The following AK7 variants were observed in gnomAD, a reference collection of about 807,000 sequenced individuals.
AK7 encodes ATP-AMP transphosphorylase 7.
Under a neutral mutation model 96.6 loss-of-function variants are expected in AK7, and 78 were observed. The observed-to-expected ratio is 0.81, with a 90% CI of 0.67 to 0.97. The LOEUF is 0.97. Among genes scored for constraint, AK7 ranks in the 50% least tolerant of loss-of-function variants. The pLI, the probability that AK7 is intolerant of heterozygous loss-of-function variation, is 0.00. For missense variants in AK7, 855 were observed against 887.9 expected (o/e 0.96, Z 0.47); for synonymous variants, 302 against 317.2 (o/e 0.95, Z 0.51).
chr14:96,478,904 A>C (rs1371785542), intron 15 of AK7, among the ~76,000 whole-genome samples: 1 of 149,068 alleles, frequency 6.7e-6, no homozygotes. Context: ...CAAATGACAA[A>C]TCCTTTTTTT....
intron 16 of AK7, among the ~76,000 whole-genome samples, chr14:96,485,685 A>C (rs527307527): frequency 5.3e-5 from 8 of 152,162 alleles, no homozygotes; most frequent in African/African-American, 1.9e-4. Flanking sequence ...GACCACACAA[A>C]AGTTTCATGT....
At chr14:96,410,473 A>G (rs72706821) in intron 4 of AK7, among the ~76,000 whole-genome samples, 1,647 of 152,058 alleles carry the variant, frequency 0.011, 14 homozygotes, top group Non-Finnish European at 0.018. Flanking sequence ...GTGCTCACTG[A>G]CTCTCTCTCT....
In AK7 at chr14:96,408,883, A is replaced by T; in HGVS notation, c.440A>T (p.Lys147Met). ...GAAGTCAGCCACTTTGAAAAGCGAAAGCTATTTATTTTACTGTCGACGGTG... is the reference window on the plus strand; with the variant it reads ...GAAGTCAGCCACTTTGAAAAGCGAATGCTATTTATTTTACTGTCGACGGTG... ...SEEVSHFEKR[K>M]LFILLSTVMT... The change falls in exon 4 of 18, where the codon AAG becomes ATG. Residue 147 changes from lysine to methionine, a missense_variant. Transcript: ENST00000267584. 7 of 1,614,206 alleles carry T rather than the reference A, an allele frequency of 4.3e-6. No individual in the cohort carries two copies. Among genetic ancestry groups the T allele is most frequent in the Non-Finnish European group, 5.9e-6 (7 of 1,180,042 alleles).
At chr14:96,476,101 T>C (rs943866334) in intron 14 of AK7, among the ~76,000 whole-genome samples, 2 of 152,202 alleles carry the variant, frequency 1.3e-5, no homozygotes, top group African/African-American at 4.8e-5. Context: ...ACCATTGCAT[T>C]TTACCACTGC....
chr14:96,438,973 A>G (rs1403877900), intron 6 of AK7, among the ~76,000 whole-genome samples: 1 of 152,228 alleles, frequency 6.6e-6, no homozygotes, highest in Non-Finnish European at 1.5e-5. Flanking sequence ...ATTTTGGTCT[A>G]AGCAACTAGA....
intron 4 of AK7, among the ~76,000 whole-genome samples, chr14:96,418,396 G>A (rs1370564247): frequency 6.8e-6 from 1 of 148,040 alleles, no homozygotes; most frequent in Admixed American, 6.9e-5. Context: ...ACTCCTCAGT[G>A]TGGCTCAGAA....
intron 7 of AK7, among the ~76,000 whole-genome samples, chr14:96,445,650 A>C (rs1893193962): frequency 6.6e-6 from 1 of 152,188 alleles, no homozygotes; most frequent in African/African-American, 2.4e-5. Context: ...ACAGAGCGAG[A>C]CTCAAAATAA....
At chr14:96,406,585 G>C (rs1029553679) in intron 3 of AK7, among the ~76,000 whole-genome samples, 1 of 152,200 alleles carries the variant, frequency 6.6e-6, no homozygotes, top group African/African-American at 2.4e-5. Flanking sequence ...CACCTGGGGG[G>C]TATGGGGTTG....
At chr14:96,456,291 T>G in intron 10 of AK7, 56 bp from the exon 11 acceptor site, 1 of 1,420,206 alleles carries the variant, frequency 7.0e-7, no homozygotes, top group Non-Finnish European at 9.6e-7. Flanking sequence ...AACCACTCTG[T>G]CTAGCTACAG....
At chr14:96,457,967 T>C in intron 11 of AK7, 116 bp from the exon 12 acceptor site, 1 of 1,439,216 alleles carries the variant, frequency 6.9e-7, no homozygotes. Context: ...ACAGCTGTCA[T>C]AGGGTACCTG....
chr14:96,433,614 A>T (rs1892476835), intron 5 of AK7, among the ~76,000 whole-genome samples: 2 of 152,268 alleles, frequency 1.3e-5, no homozygotes, highest in South Asian at 4.1e-4. Flanking sequence ...GATGTGTTCG[A>T]ACATCCTCCT....
At chr14:96,420,078 C>A (rs1891590262) in intron 4 of AK7, among the ~76,000 whole-genome samples, 1 of 151,740 alleles carries the variant, frequency 6.6e-6, no homozygotes, top group Non-Finnish European at 1.5e-5. Context: ...GTTAGCCAGG[C>A]TGGTCTCGAA....
intron 6 of AK7, 86 bp downstream of exon 6, chr14:96,438,001 G>A: frequency 8.3e-7 from 1 of 1,210,748 alleles, no homozygotes; most frequent in Non-Finnish European, 1.2e-6. Flanking sequence ...ATTGCTTTGG[G>A]TGTGGTTAGT....
At position 96,405,909 on chromosome 14, in the gene AK7, C is replaced by CT. The variant is rs200064114; in HGVS notation, c.403+1051dup. ...TGATTCACCTCCTCCAAAGCAACCT[C>CT]TTTTTTTGTTTTGAGACAAGATCTT... is the stretch of plus-strand genomic sequence containing the variant. On this transcript the variant is annotated intron_variant, in intron 3 of 17. Transcript: ENST00000267584. Among the ~76,000 whole-genome samples, 37 of 152,176 alleles carry CT rather than the reference C, an allele frequency of 2.4e-4. No homozygotes were observed. In the East Asian group the frequency reaches 2.5e-3, roughly 10 times the overall value.
Position 96,405,004 on chromosome 14 carries a change from G to A in AK7, c.403+139G>A. The A allele has an allele frequency of 6.6e-6, 3 of 451,210 alleles. No individual in the cohort carries two copies. In the East Asian group the frequency reaches 9.5e-5, roughly 14 times the overall value. The allele number at this position is 451,210 out of a possible 1,614,324, so 28.0% of individuals were successfully genotyped here. On this transcript the variant is annotated intron_variant, in intron 3 of 17. Transcript: ENST00000267584. ...GACTTACCTAAAGTATGAAATCCAT[G>A]ATAATAATATGGATAGATACTTCTG...
intron 6 of AK7, among the ~76,000 whole-genome samples, 158 bp from the exon 7 acceptor site, chr14:96,442,572 A>C (rs541164114): frequency 6.6e-6 from 1 of 152,266 alleles, no homozygotes. Flanking sequence ...ATTTGATCCT[A>C]AATCTCATCA....
intron 11 of AK7, among the ~76,000 whole-genome samples, chr14:96,457,428 TAAAC>T (rs1893994859): frequency 6.6e-6 from 1 of 152,214 alleles, no homozygotes; most frequent in African/African-American, 2.4e-5. Flanking sequence ...AGTTTTATAA[TAAAC>T]AAGCAACTAA....
intron 1 of AK7, among the ~76,000 whole-genome samples, chr14:96,393,943 T>C (rs1889902183): frequency 6.6e-6 from 1 of 152,118 alleles, no homozygotes; most frequent in Non-Finnish European, 1.5e-5. Context: ...ACCCTGTCTC[T>C]ACTAAAAGTA....
At chr14:96,439,984 T>G (rs147420575) in intron 6 of AK7, among the ~76,000 whole-genome samples, 148 of 152,304 alleles carry the variant, frequency 9.7e-4, no homozygotes, top group African/African-American at 3.3e-3. Context: ...ATTATGTATT[T>G]ATTTATTTAA....
Sources: allele counts gnomAD v4.1 joint callset (sites outside exome capture counted in the v4.1 genomes callset), GRCh38; gene constraint gnomAD v4.1.1; transcripts MANE v1.5; gene names NCBI Gene and HGNC (gene_info 2026-07-23, HGNC 2026-07-21).